TG: variants seen among roughly 807,000 people sequenced by gnomAD.
The protein encoded by TG is thyroglobulin, also known as thyroid hormones.
In TG, 270 loss-of-function variants were observed where a neutral mutation model predicts 324.7. That is an observed-to-expected ratio of 0.83 (90% confidence interval 0.75 to 0.92). TG has a LOEUF of 0.92. TG is among the 40% of genes least tolerant of loss of function. The pLI is 0.00. For synonymous variants in TG, 1,401 were observed against 1,327.0 expected (o/e 1.06, Z -1.21); for missense variants, 3,591 against 3,456.4 (o/e 1.04, Z -0.98).
intron 33 of TG, chr8:132,972,162 G>C: frequency 2.1e-6 from 1 of 477,426 alleles, no homozygotes; most frequent in South Asian, 2.1e-5. Flanking sequence ...CAAGCAGCTT[G>C]GCGAACTTTG....
chr8:133,005,999 G>A (rs1833985868), intron 35 of TG, among the ~76,000 whole-genome samples: 1 of 152,202 alleles, frequency 6.6e-6, no homozygotes, highest in Non-Finnish European at 1.5e-5. Context: ...CCTGAGGCCT[G>A]GATCCAAGGG....
intron 41 of TG, chr8:133,049,997 A>G: frequency 6.3e-7 from 1 of 1,587,056 alleles, no homozygotes; most frequent in Non-Finnish European, 8.7e-7. Flanking sequence ...CACTGTAAGA[A>G]CAAGAACAGA....
chr8:132,990,579 C>A (rs998366193), intron 35 of TG, among the ~76,000 whole-genome samples: 1 of 152,170 alleles, frequency 6.6e-6, no homozygotes, highest in Admixed American at 6.5e-5. Context: ...TCTCCTCCCC[C>A]TCCCTCTGAT....
rs1201826161 is a variant in TG, at chr8:133,081,357, C to G, written c.7240-13687C>G. The stretch of plus-strand genomic sequence containing the variant: ...AAAGTAAATAAATTGTGAATGGTGA[C>G]TTTTCACCTCTGGGGAAGACAATAA... On this transcript the variant is annotated intron_variant, in intron 41 of 47. Coordinates refer to ENST00000220616, the MANE Select transcript of TG (RefSeq NM_003235.5). 1.3e-5 allele frequency among the ~76,000 whole-genome samples: 2 copies of G among 152,238 alleles called. 1 individual carries two copies. The highest frequency in any genetic ancestry group is 4.1e-4 in the South Asian group (2 of 4,834).
chr8:133,082,859 A>G (rs1486117856), intron 41 of TG, among the ~76,000 whole-genome samples: 1 of 152,206 alleles, frequency 6.6e-6, no homozygotes, highest in Non-Finnish European at 1.5e-5. Context: ...TATTGTTATC[A>G]GTTTATGCTG....
At chr8:132,879,839 C>G (rs1814401276) in intron 5 of TG, among the ~76,000 whole-genome samples, 1 of 152,218 alleles carries the variant, frequency 6.6e-6, no homozygotes, top group African/African-American at 2.4e-5. Context: ...GAGAGGGGCT[C>G]TGACCATAAA....
At chr8:132,878,610 AAAAAAAAAAAC>A (rs1475389334) in intron 5 of TG, among the ~76,000 whole-genome samples, 8 of 149,754 alleles carry the variant, frequency 5.3e-5, no homozygotes, top group African/African-American at 9.8e-5. Flanking sequence ...CTCTGTCTCA[AAAAAAAAAAAC>A]AAAAAAAAAA....
At chr8:132,953,040 A>G (rs1181736595) in intron 27 of TG, among the ~76,000 whole-genome samples, 1 of 152,206 alleles carries the variant, frequency 6.6e-6, no homozygotes, top group Non-Finnish European at 1.5e-5. Context: ...CCGGTAACTG[A>G]GAGTGTCACT....
chr8:132,987,185 T>C (rs1831675461), intron 35 of TG, among the ~76,000 whole-genome samples: 1 of 152,212 alleles, frequency 6.6e-6, no homozygotes, highest in Admixed American at 6.5e-5. Context: ...TGTTAACAAG[T>C]ATGATTTAAA....
In TG at chr8:132,882,952, G is replaced by GGAAGGAAATGCATGGAA. The variant is rs749048613; in HGVS notation, c.1029_1045dup (p.Thr349ArgfsTer59). On this transcript the variant is annotated frameshift_variant, in exon 8 of 48. Coordinates refer to ENST00000220616, the MANE Select transcript of TG (RefSeq NM_003235.5). LOFTEE classifies it high-confidence loss of function. ...CCCTGCTGGTGTGTGGACGCCCAGG[G>GGAAGGAAATGCATGGAA]GAAGGAAATGCATGGAACCCGGCAG... The GGAAGGAAATGCATGGAA allele has an allele frequency of 6.2e-6, 10 of 1,614,126 alleles. No homozygotes were observed. The highest frequency in any genetic ancestry group is 8.5e-6 in the Non-Finnish European group (10 of 1,179,996).
intron 40 of TG, among the ~76,000 whole-genome samples, chr8:133,022,825 G>A (rs775319392): frequency 3.9e-4 from 59 of 152,180 alleles, no homozygotes; most frequent in Non-Finnish European, 7.1e-4. Flanking sequence ...CAGAGTCACT[G>A]ACCTAGGAAT....
At chr8:132,948,358 A>T (rs1825648157) in intron 26 of TG, among the ~76,000 whole-genome samples, 2 of 152,068 alleles carry the variant, frequency 1.3e-5, no homozygotes, top group South Asian at 4.1e-4. Flanking sequence ...TATGATGGGA[A>T]ATGAGGCAGA....
intron 35 of TG, among the ~76,000 whole-genome samples, chr8:133,011,401 AG>A (rs60470735): frequency 1.3e-5 from 2 of 151,792 alleles, no homozygotes; most frequent in Non-Finnish European, 2.9e-5. Flanking sequence ...TTGGTCCTGC[AG>A]GGGGGTCTCA....
At chr8:133,074,240 A>G (rs1407631051) in intron 41 of TG, among the ~76,000 whole-genome samples, 1 of 152,060 alleles carries the variant, frequency 6.6e-6, no homozygotes, top group African/African-American at 2.4e-5. Flanking sequence ...TCAGATTGTT[A>G]TTAATTATCT....
chr8:133,062,348 C>A (rs575731516), intron 41 of TG, among the ~76,000 whole-genome samples: 35 of 152,368 alleles, frequency 2.3e-4, no homozygotes, highest in Middle Eastern at 3.4e-3. Context: ...GGCCTTGTCT[C>A]CATTCCTGAG....
At position 132,913,086 on chromosome 8, in the gene TG, C is replaced by T; in HGVS notation, c.4199C>T (p.Thr1400Ile). 1 of 1,614,196 alleles carries T rather than the reference C, an allele frequency of 6.2e-7. No homozygotes were observed. The highest frequency in any genetic ancestry group is 2.2e-5 in the East Asian group (1 of 44,868). ...GGCAAGGATCTCCTTGGGCGCTTCA[C>T]AGATCTGATCCAGAGTGGCTCATTC... is the stretch of plus-strand genomic sequence containing the variant. ...LVGKDLLGRF[T>I]DLIQSGSFQL... Residue 1400 changes from threonine to isoleucine, a missense_variant, in exon 20 of 48, where the codon ACA becomes ATA. By Grantham distance (89) the Thr-to-Ile change is moderately conservative (BLOSUM62 -1). Coordinates refer to ENST00000220616, the MANE Select transcript of TG (RefSeq NM_003235.5).
chr8:133,052,037 G>T (rs752969311), intron 41 of TG, among the ~76,000 whole-genome samples: 2 of 152,078 alleles, frequency 1.3e-5, no homozygotes, highest in South Asian at 2.1e-4. Context: ...TCCCTGGTTC[G>T]CTCACCCCAA....
At chr8:133,098,743 A>G (rs996558847) in intron 43 of TG, among the ~76,000 whole-genome samples, 3 of 152,176 alleles carry the variant, frequency 2.0e-5, no homozygotes, top group African/African-American at 4.8e-5. Context: ...TGGAAATGCC[A>G]TCCATCAGGG....
In TG at chr8:132,906,718, C is replaced by T. The variant is rs12549018; in HGVS notation, c.3665C>T (p.Ser1222Leu). 1.7e-3 allele frequency: 2,718 copies of T among 1,614,204 alleles called. 51 individuals carry two copies. The Admixed American group carries it at 0.025, about 15-fold the overall frequency. ...CGGTGTCCGCTGCCATTCAACGCGT[C>T]GGAGGTGGTTGGTGGAACAATCCTG... ...SPRCPLPFNA[S>L]EVVGGTILCE... Residue 1222 changes from serine to leucine, a missense_variant, in exon 17 of 48, where the codon TCG (serine) becomes TTG (leucine). By Grantham distance (145) the Ser-to-Leu change is moderately radical. Transcript: ENST00000220616.
Sources: allele counts gnomAD v4.1 joint callset (sites outside exome capture counted in the v4.1 genomes callset), GRCh38; gene constraint gnomAD v4.1.1; transcripts MANE v1.5; gene names NCBI Gene and HGNC (gene_info 2026-07-23, HGNC 2026-07-21).